Variants in CCDC183 observed in about 807,000 individuals in gnomAD.
The protein encoded by CCDC183 is coiled-coil domain-containing protein 183.
In CCDC183, 63 loss-of-function variants were observed where a neutral mutation model predicts 65.2. The ratio of observed to expected loss-of-function variants is 0.97; its 90% CI spans 0.79 to 1.19. The LOEUF is 1.19. Among genes scored for constraint, CCDC183 ranks in the 50% most tolerant of loss-of-function variants. The pLI is 0.00. For missense variants in CCDC183, 769 were observed against 689.3 expected (o/e 1.12, Z -1.30); for synonymous variants, 323 against 276.5 (o/e 1.17, Z -1.67).
At position 136,806,311 on chromosome 9, in the gene CCDC183, G is replaced by C. The variant is rs578169758; in HGVS notation, c.1109+73G>C. 6.0e-6 allele frequency: 9 copies of C among 1,494,910 alleles called. No individual in the cohort carries two copies. In the African/African-American group the frequency reaches 9.8e-5, roughly 16 times the overall value. 92.6% of individuals were successfully genotyped at this position (1,494,910 alleles called of 1,614,324 possible). A position where few individuals can be genotyped will look rare whatever the true frequency, so the allele number is the denominator to read the frequency against. On this transcript the variant is annotated intron_variant, in intron 10 of 13. Transcript: ENST00000338005. The stretch of plus-strand genomic sequence containing the variant: ...AGGCCCCGGGCTGCAGCCAGGCTGG[G>C]AGCTGGGAGTATACCCACTGCCAAC...
chr9:136,805,652 T>A (rs945388), intron 9 of CCDC183, 195 bp downstream of exon 9: 2 of 582,388 alleles, frequency 3.4e-6, no homozygotes, highest in African/African-American at 1.9e-5. Flanking sequence ...ATCCCATCTG[T>A]GTATCTGCGT....
At chr9:136,806,317 G>A (rs1847849100) in intron 10 of CCDC183, 79 bp downstream of exon 10, 1 of 1,474,636 alleles carries the variant, frequency 6.8e-7, no homozygotes, top group Admixed American at 2.1e-5. Flanking sequence ...CTGGGAGCTG[G>A]GAGTATACCC....
intron 1 of CCDC183, among the ~76,000 whole-genome samples, chr9:136,798,489 G>T (rs1239227220): frequency 6.6e-6 from 1 of 151,376 alleles, no homozygotes; most frequent in Non-Finnish European, 1.5e-5. Flanking sequence ...TAGAGATGGG[G>T]TTTCACCATG....
Position 136,806,987 on chromosome 9 carries a change from G to T in CCDC183, c.1407G>T (p.Arg469Ser). 1 of 1,613,704 alleles carries T rather than the reference G, an allele frequency of 6.2e-7. No homozygotes were observed. The highest frequency in any genetic ancestry group is 1.1e-5 in the South Asian group (1 of 91,076). The change falls in exon 13 of 14, where the codon AGG becomes AGT. Residue 469 changes from arginine (R) to serine (S), a missense_variant. Coordinates refer to ENST00000338005, the MANE Select transcript of CCDC183 (RefSeq NM_001039374.5). ...SRTEEGDTKV[R>S]DTLESSTLME... ...CCCTGCAGGGCGACACAAAGGTGAG[G>T]GACACCCTGGAGTCCTCGACTCTGA...
chr9:136,797,703 G>T (rs1300489038), intron 1 of CCDC183, among the ~76,000 whole-genome samples: 2 of 152,240 alleles, frequency 1.3e-5, no homozygotes, highest in African/African-American at 4.8e-5. Context: ...CTCCCAAAGT[G>T]CTGGGATTAC....
chr9:136,801,713 A>C (rs1478785803), intron 5 of CCDC183, among the ~76,000 whole-genome samples: 1 of 152,212 alleles, frequency 6.6e-6, no homozygotes, highest in East Asian at 1.9e-4. Flanking sequence ...CTCAGAACAA[A>C]GGAAAAAACA....
chr9:136,802,546 G>C, intron 5 of CCDC183, 118 bp from the exon 6 acceptor site: 1 of 1,413,130 alleles, frequency 7.1e-7, no homozygotes, highest in Non-Finnish European at 9.5e-7. Flanking sequence ...TGGGGGAGGT[G>C]GCTGGGGCCA....
Position 136,800,414 on chromosome 9 carries a change from T to A in CCDC183, c.464T>A (p.Ile155Asn). ...LQIIRQLENN[I>N]EKTMIKIITS... ...ATCATCCGCCAGCTGGAGAACAACATCGAGAAGACAATGATCAAGATCATC... is the reference window on the plus strand; with the variant it reads ...ATCATCCGCCAGCTGGAGAACAACAACGAGAAGACAATGATCAAGATCATC... Residue 155 changes from isoleucine (I) to asparagine (N), a missense_variant, in exon 5 of 14, where the codon ATC becomes AAC. Ile to Asn is a moderately radical substitution (Grantham distance 149, BLOSUM62 -3). Transcript: ENST00000338005. 2 of 1,612,052 alleles carry A rather than the reference T, an allele frequency of 1.2e-6. No individual in the cohort carries two copies. The highest frequency in any genetic ancestry group is 1.7e-6 in the Non-Finnish European group (2 of 1,179,238).
intron 5 of CCDC183, among the ~76,000 whole-genome samples, chr9:136,801,933 G>A (rs548577213): frequency 2.6e-5 from 4 of 151,878 alleles, no homozygotes; most frequent in Non-Finnish European, 4.4e-5. Flanking sequence ...AATTACAGGC[G>A]CCCACTACCA....
At chr9:136,806,261 C>T (rs757197458) in intron 10 of CCDC183, 23 bp downstream of exon 10, 37 of 1,576,390 alleles carry the variant, frequency 2.3e-5, no homozygotes, top group Admixed American at 1.6e-4. Context: ...TCCGGGGCTG[C>T]GGGCCACCCA....
chr9:136,801,331 G>C lies in CCDC183; in HGVS notation c.543+838G>C, dbSNP rs1421593429. 2.7e-5 allele frequency among the ~76,000 whole-genome samples: 4 copies of C among 145,476 alleles called. No individual in the cohort carries two copies. In the East Asian group the frequency reaches 8.0e-4, roughly 29 times the overall value. The stretch of plus-strand genomic sequence containing the variant: ...TGGGCCCACCCCTCTCCCCACCCCT[G>C]TCCATGCCCCTCCTTCGCCTGGGTG... On this transcript the variant is annotated intron_variant, in intron 5 of 13. Coordinates refer to ENST00000338005, the MANE Select transcript of CCDC183 (RefSeq NM_001039374.5).
chr9:136,807,055 A>G lies in CCDC183; in HGVS notation c.1475A>G (p.Glu492Gly). ...AGGATCAGCTTTGAGAACCGGGAGG[A>G]GGATATGATCGGTACAGGCCCCGGA... ...NTRISFENRE[E>G]DMIDTFQFPD... The change falls in exon 13 of 14, where the codon GAG (glutamate) becomes GGG (glycine). Residue 492 changes from glutamate to glycine, a missense_variant. By Grantham distance (98) the Glu-to-Gly change is moderately conservative (BLOSUM62 -2). Coordinates refer to ENST00000338005, the MANE Select transcript of CCDC183 (RefSeq NM_001039374.5). The G allele has an allele frequency of 4.3e-6, 7 of 1,613,074 alleles. No homozygotes were observed. Among genetic ancestry groups the G allele is most frequent in the Non-Finnish European group, 5.9e-6 (7 of 1,179,962 alleles).
At chr9:136,803,077 GCCGGGGGCCCC>G (rs2131133446) in intron 6 of CCDC183, among the ~76,000 whole-genome samples, 1 of 46,990 alleles carries the variant, frequency 2.1e-5, no homozygotes, top group African/African-American at 1.4e-4. Flanking sequence ...AGGGCCCAGG[GCCGGGGGCCCC>G]CCAGGGCCAG....
intron 8 of CCDC183, chr9:136,805,063 G>A (rs1165461046): frequency 3.4e-6 from 2 of 595,648 alleles, no homozygotes; most frequent in African/African-American, 3.7e-5. Flanking sequence ...ACTCTGCAGA[G>A]GATGAGCATC....
chr9:136,801,543 TAA>T, intron 5 of CCDC183, among the ~76,000 whole-genome samples: 1 of 151,770 alleles, frequency 6.6e-6, no homozygotes, highest in East Asian at 2.0e-4. Flanking sequence ...TCATCTCTAC[TAA>T]AAATACAAAA....
Position 136,800,086 on chromosome 9 carries a change from C to T in CCDC183, c.355C>T (p.Gln119Ter), listed in dbSNP as rs762244921. 3.8e-6 allele frequency: 6 copies of T among 1,568,802 alleles called. No homozygotes were observed. Among genetic ancestry groups the T allele is most frequent in the East Asian group, 2.3e-5 (1 of 42,802 alleles). ...LLIHLVRRRG[Q>*]KLESMQLELD... Reference sequence around the variant, plus strand: ...GATCCACCTGGTGCGGCGGCGCGGGCAGAAGCTGGAGAGCATGCAGCTGGA... The same window carrying T: ...GATCCACCTGGTGCGGCGGCGCGGGTAGAAGCTGGAGAGCATGCAGCTGGA... Residue 119 changes from glutamine to a stop codon, truncating the protein, a stop_gained, in exon 4 of 14, where the codon CAG becomes TAG. Coordinates refer to ENST00000338005, the MANE Select transcript of CCDC183 (RefSeq NM_001039374.5). LOFTEE classifies it high-confidence loss of function.
At position 136,804,781 on chromosome 9, in the gene CCDC183, T is replaced by TC; in HGVS notation, c.816dup (p.Ser273LeufsTer48). The TC allele has an allele frequency of 6.2e-7, 1 of 1,613,674 alleles. No individual in the cohort carries two copies. The highest frequency in any genetic ancestry group is 8.5e-7 in the Non-Finnish European group (1 of 1,179,896). ...CATCAGGGCCAGATGGACTTGGACT[T>TC]CCCCTCGAACCTGATGAGCACGGAG... On this transcript the variant is annotated frameshift_variant, in exon 8 of 14. Transcript: ENST00000338005. LOFTEE classifies it high-confidence loss of function. The surrounding 1 kb of genome is among the most constrained non-coding windows in gnomAD (Gnocchi z 4.1).
chr9:136,806,684 G>C lies in CCDC183; in HGVS notation c.1278+12G>C. ...TGCCTGCGACCCAGGTACCGGGAGT[G>C]AGGCTGAGCTGCCACACACCAGGTC... is the stretch of plus-strand genomic sequence containing the variant. On this transcript the variant is annotated intron_variant, in intron 11 of 13. Coordinates refer to ENST00000338005, the MANE Select transcript of CCDC183 (RefSeq NM_001039374.5). 1 of 1,613,340 alleles carries C rather than the reference G, an allele frequency of 6.2e-7. No homozygotes were observed. The highest frequency in any genetic ancestry group is 1.1e-5 in the South Asian group (1 of 91,082).
chr9:136,804,632 G>A lies in CCDC183; in HGVS notation c.792+5G>A, dbSNP rs1452335837. ...ACCAGCGAGAAGTACCGCCGGGTAA[G>A]CCCCAGGCCAGGGCCTGGCTGGCTG... is the stretch of plus-strand genomic sequence containing the variant. On this transcript the variant is annotated splice_donor_5th_base_variant and intron_variant, in intron 7 of 13. Coordinates refer to ENST00000338005, the MANE Select transcript of CCDC183 (RefSeq NM_001039374.5). The surrounding 1 kb of genome is among the most constrained non-coding windows in gnomAD (Gnocchi z 4.1). The A allele has an allele frequency of 6.2e-7, 1 of 1,613,504 alleles. No homozygotes were observed. The highest frequency in any genetic ancestry group is 8.5e-7 in the Non-Finnish European group (1 of 1,179,898).
Sources: allele counts gnomAD v4.1 joint callset (sites outside exome capture counted in the v4.1 genomes callset), GRCh38; gene constraint gnomAD v4.1.1; non-coding constraint Gnocchi (gnomAD v3.1); transcripts MANE v1.5; gene names NCBI Gene and HGNC (gene_info 2026-07-23, HGNC 2026-07-21).